The following TAFA1 variants were observed in gnomAD, a reference collection of about 807,000 sequenced individuals.
TAFA1 encodes chemokine-like protein TAFA-1.
TAFA1 carries 4 observed loss-of-function variants against 18.5 expected under a neutral mutation model. The observed-to-expected ratio is 0.22, with a 90% CI of 0.11 to 0.49. The LOEUF (loss-of-function observed/expected upper bound fraction) is 0.49. TAFA1 is among the 20% of genes least tolerant of loss of function. The pLI is 0.98. For missense variants in TAFA1, 147 were observed against 169.0 expected (o/e 0.87, Z 0.72); for synonymous variants, 56 against 55.2 (o/e 1.01, Z -0.06).
intron 2 of TAFA1, among the ~76,000 whole-genome samples, chr3:68,074,335 C>A (rs1199745113): frequency 6.6e-6 from 1 of 152,134 alleles, no homozygotes; most frequent in African/African-American, 2.4e-5. Flanking sequence ...AGGCTGTGGA[C>A]TGGTACTGGT....
At chr3:68,279,635 A>G (rs889170143) in intron 2 of TAFA1, among the ~76,000 whole-genome samples, 1 of 152,176 alleles carries the variant, frequency 6.6e-6, no homozygotes, top group Admixed American at 6.6e-5. Flanking sequence ...TGAAACTTAA[A>G]TTAAAAACAT....
intron 2 of TAFA1, among the ~76,000 whole-genome samples, chr3:68,323,614 G>C (rs1186574385): frequency 6.6e-6 from 1 of 152,116 alleles, no homozygotes; most frequent in African/African-American, 2.4e-5. Flanking sequence ...GTAGTTTTAA[G>C]CTGAAAGGGG....
intron 2 of TAFA1, among the ~76,000 whole-genome samples, chr3:68,382,651 C>T (rs1374578615): frequency 6.6e-6 from 1 of 152,058 alleles, no homozygotes; most frequent in East Asian, 1.9e-4. Flanking sequence ...AGCGTGATGC[C>T]TCCAGCTTTG....
intron 2 of TAFA1, among the ~76,000 whole-genome samples, chr3:68,382,407 G>A (rs538473734): frequency 7.9e-5 from 12 of 152,052 alleles, no homozygotes; most frequent in African/African-American, 2.7e-4. Flanking sequence ...ATAGTGTGAG[G>A]AACATGTCCA....
intron 3 of TAFA1, among the ~76,000 whole-genome samples, chr3:68,448,096 G>T (rs936129710): frequency 6.6e-6 from 1 of 152,138 alleles, no homozygotes; most frequent in Admixed American, 6.6e-5. Context: ...GAGCAGTAGG[G>T]TGTGTGAGAG....
intron 2 of TAFA1, among the ~76,000 whole-genome samples, chr3:68,064,438 A>C (rs547981381): frequency 6.6e-6 from 1 of 152,336 alleles, no homozygotes; most frequent in South Asian, 2.1e-4. Flanking sequence ...TCTTGTATTT[A>C]TTAAAATGAA....
the TAFA1 span, among the ~76,000 whole-genome samples, chr3:67,992,379 C>T: frequency 6.6e-6 from 1 of 152,164 alleles, no homozygotes; most frequent in Non-Finnish European, 1.5e-5. Flanking sequence ...ACTATGCAGT[C>T]AATCAATGGT....
rs199819352 is a variant in TAFA1 at position 68,260,642 on chromosome 3, CA to C, written c.119-156635del. Among the ~76,000 whole-genome samples, 854 of 152,170 alleles carry C rather than the reference CA, an allele frequency of 5.6e-3. 44 individuals carry two copies. In the East Asian group the frequency reaches 0.11, roughly 20 times the overall value. On this transcript the variant is annotated intron_variant, in intron 2 of 4. Coordinates refer to ENST00000478136, the MANE Select transcript of TAFA1 (RefSeq NM_213609.4). ...ATATCTACAACCATCTGATCTTTGA[CA>C]AACCTGACAAAAACAAGAAATAGGG...
At chr3:68,298,651 A>G (rs9868583) in intron 2 of TAFA1, among the ~76,000 whole-genome samples, 3,708 of 152,248 alleles carry the variant, frequency 0.024, 140 homozygotes, top group African/African-American at 0.084. Flanking sequence ...TGTGATAGTG[A>G]GTTCTCACAA....
At chr3:68,318,670 G>C (rs2068646446) in intron 2 of TAFA1, among the ~76,000 whole-genome samples, 1 of 152,164 alleles carries the variant, frequency 6.6e-6, no homozygotes, top group African/African-American at 2.4e-5. Context: ...TATTACAAGT[G>C]ATAGAAGAGG....
At chr3:68,481,196 T>A (rs1242987605) in intron 3 of TAFA1, among the ~76,000 whole-genome samples, 1 of 152,194 alleles carries the variant, frequency 6.6e-6, no homozygotes, top group Non-Finnish European at 1.5e-5. Flanking sequence ...TACTGCTGGA[T>A]TTGAGACTTG....
chr3:68,193,593 T>C (rs145672672), intron 2 of TAFA1, among the ~76,000 whole-genome samples: 158 of 151,964 alleles, frequency 1.0e-3, no homozygotes, highest in African/African-American at 3.4e-3. Flanking sequence ...TTTTTGAGTG[T>C]AGTTTCCATT....
At chr3:68,108,441 T>TGTGTGTGTG (rs1280319155) in intron 2 of TAFA1, among the ~76,000 whole-genome samples, 3 of 56,568 alleles carry the variant, frequency 5.3e-5, no homozygotes, top group Non-Finnish European at 1.2e-4. Context: ...TGAAGGTGTG[T>TGTGTGTGTG]GTGTGTGTGT....
At chr3:67,997,056 A>G in the TAFA1 span, among the ~76,000 whole-genome samples, 1 of 152,168 alleles carries the variant, frequency 6.6e-6, no homozygotes, top group Non-Finnish European at 1.5e-5. Flanking sequence ...AATCTGGAAA[A>G]GCAAGCTGAG....
At chr3:68,133,259 G>T (rs1395129607) in intron 2 of TAFA1, among the ~76,000 whole-genome samples, 1 of 152,070 alleles carries the variant, frequency 6.6e-6, no homozygotes, top group Non-Finnish European at 1.5e-5. Flanking sequence ...ATGCTGTTTT[G>T]GTTACTGTAA....
chr3:68,257,846 T>A (rs1218263004), intron 2 of TAFA1, among the ~76,000 whole-genome samples: 1 of 152,158 alleles, frequency 6.6e-6, no homozygotes, highest in Non-Finnish European at 1.5e-5. Flanking sequence ...AAGTTTAACA[T>A]ATCCAATGAT....
intron 2 of TAFA1, among the ~76,000 whole-genome samples, chr3:68,353,394 C>T (rs948649458): frequency 1.3e-5 from 2 of 151,996 alleles, no homozygotes; most frequent in Admixed American, 6.6e-5. Flanking sequence ...TGATTCTCAC[C>T]TTATCGGTTT....
At chr3:68,520,223 C>T (rs1437053389) in intron 3 of TAFA1, among the ~76,000 whole-genome samples, 1 of 152,142 alleles carries the variant, frequency 6.6e-6, no homozygotes, top group African/African-American at 2.4e-5. Flanking sequence ...CTGTCTTCTC[C>T]ACAAATTATA....
chr3:68,434,282 C>T (rs537695146), intron 3 of TAFA1, among the ~76,000 whole-genome samples: 23 of 152,214 alleles, frequency 1.5e-4, no homozygotes, highest in African/African-American at 4.8e-4. Context: ...AATTAAAGGA[C>T]TGTTCCGAGG....
Sources: allele counts gnomAD v4.1 joint callset (sites outside exome capture counted in the v4.1 genomes callset), GRCh38; gene constraint gnomAD v4.1.1; transcripts MANE v1.5; gene names NCBI Gene and HGNC (gene_info 2026-07-23, HGNC 2026-07-21).